Variants in DNAH11 observed in about 807,000 individuals in gnomAD.
DNAH11 encodes the protein axonemal beta dynein heavy chain 11.
Under a neutral mutation model 526.0 loss-of-function variants are expected in DNAH11, and 442 were observed. The observed-to-expected ratio is 0.84, with a 90% confidence interval of 0.78 to 0.91. The LOEUF is 0.91. Among genes scored for constraint, DNAH11 ranks in the 40% least tolerant of loss-of-function variants. The probability of loss-of-function intolerance (pLI) is 0.00; values close to 1 mark genes in which losing one functional copy is unlikely to be tolerated. For missense variants in DNAH11, 6,989 were observed against 5,448.7 expected, an observed-to-expected ratio of 1.28 and a Z score of -8.90; for synonymous variants, 2,461 against 1,935.9, an observed-to-expected ratio of 1.27 and a Z score of -7.12.
chr7:21,809,355 T>C (rs569198667), intron 63 of DNAH11, among the ~76,000 whole-genome samples: 2 of 152,328 alleles, frequency 1.3e-5, no homozygotes, highest in South Asian at 4.1e-4. Flanking sequence ...ACTCTGTTGG[T>C]TGTTTCCTTT....
intron 54 of DNAH11, among the ~76,000 whole-genome samples, chr7:21,753,612 A>G (rs1048990140): frequency 1.3e-5 from 2 of 152,214 alleles, no homozygotes; most frequent in Admixed American, 6.5e-5. Flanking sequence ...TTCAAATACC[A>G]TCTTTAGTGT....
At chr7:21,749,466 C>T (rs781516611) in intron 52 of DNAH11, among the ~76,000 whole-genome samples, 4 of 152,096 alleles carry the variant, frequency 2.6e-5, no homozygotes, top group Non-Finnish European at 5.9e-5. Context: ...GCCAGAAACA[C>T]GACACTCAAC....
chr7:21,786,146 T>C (rs1004546307), intron 58 of DNAH11, among the ~76,000 whole-genome samples: 3 of 152,166 alleles, frequency 2.0e-5, no homozygotes, highest in Non-Finnish European at 4.4e-5. Flanking sequence ...GTTCCTGTAG[T>C]GTAATGGAAG....
At chr7:21,879,340 C>G (rs1334150761) in intron 74 of DNAH11, among the ~76,000 whole-genome samples, 1 of 151,966 alleles carries the variant, frequency 6.6e-6, no homozygotes, top group Admixed American at 6.6e-5. Context: ...GCCTGTAGTC[C>G]CAGCTACTCG....
chr7:21,884,505 A>C, intron 76 of DNAH11, 95 bp downstream of exon 76: 2 of 1,300,814 alleles, frequency 1.5e-6, no homozygotes, highest in Non-Finnish European at 2.1e-6. Context: ...GGCAATTCTT[A>C]ATGTTATTGA....
chr7:21,659,294 ATTTTC>A (rs1337714984), intron 30 of DNAH11, among the ~76,000 whole-genome samples: 5 of 148,760 alleles, frequency 3.4e-5, no homozygotes, highest in Non-Finnish European at 7.4e-5. Flanking sequence ...GTACATGCTT[ATTTTC>A]TTCTGTGTAA....
At chr7:21,872,843 A>G (rs190665047) in intron 73 of DNAH11, among the ~76,000 whole-genome samples, 138 of 152,360 alleles carry the variant, frequency 9.1e-4, no homozygotes, top group African/African-American at 2.9e-3. Flanking sequence ...GGTTTCCATC[A>G]GAAACCAATG....
At position 21,884,350 on chromosome 7, in the gene DNAH11, A is replaced by T. The variant is rs1784042155; in HGVS notation, c.12447A>T (p.Thr4149=). Residue 4149 remains threonine (T), a synonymous_variant, in exon 76 of 82, where the codon ACA becomes ACT. Coordinates refer to ENST00000409508, the MANE Select transcript of DNAH11 (RefSeq NM_001277115.2). ...FGEIMYGGHI[T]DDWDRKLCRV... is the part of the protein sequence containing the mutation. ...AGATCATGTATGGAGGCCACATCAC[A>T]GATGACTGGGATCGCAAACTGTGTC... 12 of 1,613,468 alleles carry T rather than the reference A, an allele frequency of 7.4e-6. No homozygotes were observed. In the East Asian group the frequency reaches 2.7e-4, roughly 36 times the overall value.
At chr7:21,681,189 G>A (rs1395795881) in intron 30 of DNAH11, among the ~76,000 whole-genome samples, 1 of 152,116 alleles carries the variant, frequency 6.6e-6, no homozygotes, top group Admixed American at 6.5e-5. Context: ...CATTTTGGGA[G>A]GCCGAGGTAG....
intron 8 of DNAH11, among the ~76,000 whole-genome samples, chr7:21,574,867 CTTTTTTTTT>C (rs869117425): frequency 2.3e-4 from 10 of 42,860 alleles, no homozygotes; most frequent in Admixed American, 1.8e-3. Context: ...CTGCACTGGG[CTTTTTTTTT>C]TTTTTTTTTT....
intron 62 of DNAH11, among the ~76,000 whole-genome samples, chr7:21,806,137 G>T (rs1043293154): frequency 1.3e-5 from 2 of 152,154 alleles, no homozygotes; most frequent in Non-Finnish European, 2.9e-5. Context: ...TTAAACCCTT[G>T]TTAGCCAATG....
intron 58 of DNAH11, among the ~76,000 whole-genome samples, chr7:21,785,200 G>A (rs574638447): frequency 6.6e-6 from 1 of 152,308 alleles, no homozygotes; most frequent in South Asian, 2.1e-4. Flanking sequence ...AGATTCTTAA[G>A]ATTCCATTTC....
At chr7:21,806,751 T>C (rs554094691) in intron 62 of DNAH11, among the ~76,000 whole-genome samples, 1 of 152,324 alleles carries the variant, frequency 6.6e-6, no homozygotes, top group East Asian at 1.9e-4. Context: ...CAAAATAAAT[T>C]AGTGAACTAC....
chr7:21,660,508 C>CT (rs11391052), intron 30 of DNAH11, among the ~76,000 whole-genome samples: 91,715 of 150,990 alleles, frequency 0.61, 28,005 homozygotes, highest in Admixed American at 0.7. Context: ...TTTATATCAG[C>CT]TTTTTTATTT....
At chr7:21,619,552 T>C (rs1785941687) in intron 24 of DNAH11, among the ~76,000 whole-genome samples, 1 of 152,194 alleles carries the variant, frequency 6.6e-6, no homozygotes. Context: ...ATTTTACACA[T>C]GGGGAAACTG....
intron 45 of DNAH11, among the ~76,000 whole-genome samples, chr7:21,729,573 G>T (rs1372525262): frequency 6.6e-6 from 1 of 152,108 alleles, no homozygotes; most frequent in Non-Finnish European, 1.5e-5. Context: ...ACTTTTCTTA[G>T]AAATCTCCTC....
chr7:21,634,294 C>T (rs1400656741), intron 25 of DNAH11, among the ~76,000 whole-genome samples: 1 of 152,012 alleles, frequency 6.6e-6, no homozygotes, highest in African/African-American at 2.4e-5. Context: ...GATAAAGAGA[C>T]TAAAGGAGAT....
At chr7:21,775,717 C>G (rs972306420) in intron 56 of DNAH11, among the ~76,000 whole-genome samples, 1 of 152,094 alleles carries the variant, frequency 6.6e-6, no homozygotes, top group South Asian at 2.1e-4. Context: ...TTCTATCTGT[C>G]TATCCTCTTC....
intron 66 of DNAH11, chr7:21,851,348 T>G (rs112823364): frequency 0.057 from 16,540 of 292,204 alleles, 716 homozygotes; most frequent in South Asian, 0.12. Flanking sequence ...TCCCCAGCTA[T>G]ACGGAACTAT....
Sources: allele counts gnomAD v4.1 joint callset (sites outside exome capture counted in the v4.1 genomes callset), GRCh38; gene constraint gnomAD v4.1.1; transcripts MANE v1.5; gene names NCBI Gene and HGNC (gene_info 2026-07-23, HGNC 2026-07-21).